Variants in OCA2 observed in about 807,000 individuals in gnomAD.
The protein encoded by OCA2 is OCA2 melanosomal transmembrane protein, also known as P protein.
OCA2 carries 77 observed loss-of-function variants against 100.2 expected under a neutral mutation model. That is an observed-to-expected ratio of 0.77 (90% CI 0.64 to 0.93). The LOEUF is 0.93. Among genes scored for constraint, OCA2 ranks in the 40% least tolerant of loss-of-function variants. The probability of loss-of-function intolerance (pLI) is 0.00; values close to 1 mark genes in which losing one functional copy is unlikely to be tolerated. For synonymous variants in OCA2, 432 were observed against 439.2 expected (o/e 0.98, Z 0.21); for missense variants, 1,062 against 1,089.1 (o/e 0.98, Z 0.35).
At chr15:27,727,042 G>A in the OCA2 span, among the ~76,000 whole-genome samples, 1 of 152,226 alleles carries the variant, frequency 6.6e-6, no homozygotes, top group Admixed American at 6.5e-5. Flanking sequence ...GTTATGTTGT[G>A]GCAAATCATT....
chr15:28,038,008 C>T (rs1196053401), intron 2 of OCA2, among the ~76,000 whole-genome samples: 1 of 152,216 alleles, frequency 6.6e-6, no homozygotes, highest in East Asian at 1.9e-4. Context: ...GTTTCTTTCT[C>T]TCTTTCTCTT....
At chr15:27,816,008 C>T (rs1262273126) in intron 23 of OCA2, among the ~76,000 whole-genome samples, 1 of 152,156 alleles carries the variant, frequency 6.6e-6, no homozygotes, top group African/African-American at 2.4e-5. Context: ...GTGGTGGGTG[C>T]CTGTAGTCCC....
intron 19 of OCA2, among the ~76,000 whole-genome samples, chr15:27,875,662 G>C (rs775180388): frequency 2.0e-5 from 3 of 151,876 alleles, no homozygotes; most frequent in Non-Finnish European, 2.9e-5. Flanking sequence ...CTCTTCATTA[G>C]ATCTTTAGAT....
At chr15:27,802,638 C>A (rs2033661835) in intron 23 of OCA2, among the ~76,000 whole-genome samples, 1 of 152,138 alleles carries the variant, frequency 6.6e-6, no homozygotes, top group East Asian at 1.9e-4. Flanking sequence ...ATAACTAATT[C>A]TTTTACAAAG....
chr15:27,873,002 T>C (rs1383270273), intron 19 of OCA2, among the ~76,000 whole-genome samples: 1 of 152,210 alleles, frequency 6.6e-6, no homozygotes, highest in African/African-American at 2.4e-5. Context: ...TTGTCCAAGT[T>C]TAAATTAAGC....
intron 19 of OCA2, among the ~76,000 whole-genome samples, chr15:27,913,895 GCAAGCAAGCAAGCAAGCAAGCA>G (rs2038544093): frequency 2.6e-5 from 1 of 38,994 alleles, no homozygotes; most frequent in Non-Finnish European, 5.2e-5. Context: ...AAGAAAGAAA[GCAAGCAAGCAAGCAAGCAAGCA>G]AGCAAGCAAG....
chr15:28,082,025 G>T (rs901822866), intron 1 of OCA2, 130 bp from the exon 2 acceptor site: 5 of 745,074 alleles, frequency 6.7e-6, no homozygotes, highest in Non-Finnish European at 9.1e-6. Flanking sequence ...TCCTAACCAC[G>T]CAAGAGCATT....
downstream of OCA2, among the ~76,000 whole-genome samples, chr15:27,752,284 A>G (rs2030090850): frequency 6.6e-6 from 1 of 152,204 alleles, no homozygotes; most frequent in African/African-American, 2.4e-5. Flanking sequence ...AGCAAGGACA[A>G]CTGCCTGTGG....
At chr15:27,769,447 A>G (rs569152181) in intron 23 of OCA2, among the ~76,000 whole-genome samples, 2 of 152,282 alleles carry the variant, frequency 1.3e-5, no homozygotes, top group South Asian at 4.1e-4. Flanking sequence ...TTCCAAAAGA[A>G]GTGTCTGCTA....
At chr15:28,033,532 G>T (rs2042966828) in intron 2 of OCA2, among the ~76,000 whole-genome samples, 1 of 152,208 alleles carries the variant, frequency 6.6e-6, no homozygotes. Flanking sequence ...AGTCAGAAAA[G>T]GAGTCTGTCT....
intron 21 of OCA2, among the ~76,000 whole-genome samples, chr15:27,858,434 G>C (rs923517599): frequency 1.4e-5 from 2 of 147,642 alleles, no homozygotes; most frequent in Admixed American, 6.8e-5. Context: ...ATAAGAAACA[G>C]GATACATCTT....
At chr15:27,769,149 TC>T (rs2031516441) in intron 23 of OCA2, among the ~76,000 whole-genome samples, 1 of 152,152 alleles carries the variant, frequency 6.6e-6, no homozygotes, top group Admixed American at 6.5e-5. Context: ...GGGCATTTGT[TC>T]AACATCCAGC....
chr15:27,920,134 T>C (rs1292445187), intron 19 of OCA2, among the ~76,000 whole-genome samples: 3 of 152,148 alleles, frequency 2.0e-5, no homozygotes, highest in Non-Finnish European at 4.4e-5. Context: ...GTAAATGGAA[T>C]AGACATACCA....
intron 15 of OCA2, among the ~76,000 whole-genome samples, chr15:27,959,422 CA>C (rs1239784319): frequency 3.3e-5 from 5 of 152,288 alleles, no homozygotes; most frequent in Admixed American, 2.0e-4. Context: ...ACACTGAACA[CA>C]AAAACACCAT....
At position 27,826,412 on chromosome 15, in the gene OCA2, G is replaced by A. The variant is rs555020731; in HGVS notation, c.2432+18547C>T. Among the ~76,000 whole-genome samples, 6 of 152,148 alleles carry A rather than the reference G, an allele frequency of 3.9e-5. No homozygotes were observed. In the East Asian group the frequency reaches 7.7e-4, roughly 20 times the overall value. On this transcript the variant is annotated intron_variant, in intron 23 of 23. Transcript: ENST00000354638. ...TAGGACTAGGGTTCAAGCTTCAAGC[G>A]CAGAGGCACGGCCCTCAACCACTAC...
intron 2 of OCA2, among the ~76,000 whole-genome samples, chr15:28,071,201 A>G (rs2044250049): frequency 6.6e-6 from 1 of 151,014 alleles, no homozygotes; most frequent in Admixed American, 6.6e-5. Context: ...ACACCTAGGA[A>G]TACAGCTAAC....
Position 27,990,650 on chromosome 15 carries a change from G to A in OCA2, c.1045-3C>T, listed in dbSNP as rs1255425032. ...GCCGCCAGAGTTCTGTGCACGATCT[G>A]GAAAGAAGCACAGGAAATTACCGCG... On this transcript the variant is annotated splice_polypyrimidine_tract_variant and splice_region_variant and intron_variant, in intron 9 of 23. Transcript: ENST00000354638. 6.2e-7 allele frequency: 1 copy of A among 1,613,660 alleles called. No homozygotes were observed. Among genetic ancestry groups the A allele is most frequent in the Non-Finnish European group, 8.5e-7 (1 of 1,179,776 alleles).
chr15:27,872,623 C>T (rs1324127365), intron 19 of OCA2, among the ~76,000 whole-genome samples: 1 of 152,212 alleles, frequency 6.6e-6, no homozygotes, highest in Non-Finnish European at 1.5e-5. Flanking sequence ...ACTGTGATTC[C>T]ATCGCGCTGA....
At chr15:27,912,606 T>C (rs1057274524) in intron 19 of OCA2, among the ~76,000 whole-genome samples, 1 of 152,148 alleles carries the variant, frequency 6.6e-6, no homozygotes, top group Non-Finnish European at 1.5e-5. Flanking sequence ...AGGAGAAGGA[T>C]AGCTCTTCCT....
Sources: gnomAD v4.1 joint callset for allele counts (sites outside exome capture counted in the v4.1 genomes callset) on GRCh38, gnomAD v4.1.1 for gene constraint, MANE v1.5 for transcripts, NCBI Gene and HGNC (gene_info 2026-07-23, HGNC 2026-07-21) for gene names.